The following ZC3H12B variants were observed in gnomAD, a reference collection of about 807,000 sequenced individuals.
ZC3H12B encodes zinc finger CCCH-type containing 12B, also known as probable ribonuclease ZC3H12B.
A neutral mutation model predicts 43.9 loss-of-function variants in ZC3H12B; 7 were observed. That is an observed-to-expected ratio of 0.16 (90% CI 0.09 to 0.30). The LOEUF is 0.30. Ranked by LOEUF, ZC3H12B falls within the 10% of genes least tolerant of loss-of-function variation. The pLI, the probability that ZC3H12B is intolerant of heterozygous loss-of-function variation, is 1.00. For missense variants in ZC3H12B, 475 were observed against 670.2 expected (o/e 0.71, Z 3.22); for synonymous variants, 222 against 241.7 (o/e 0.92, Z 0.76).
chrX:65,054,009 C>A, the ZC3H12B span, among the ~76,000 whole-genome samples: 2 of 97,790 alleles, frequency 2.0e-5, no homozygotes, highest in Non-Finnish European at 4.4e-5. Flanking sequence ...TGAATATTAG[C>A]CCTTTGTCAG....
chrX:65,342,688 C>T, the ZC3H12B span, among the ~76,000 whole-genome samples: 1 of 110,379 alleles, frequency 9.1e-6, no homozygotes, highest in Non-Finnish European at 1.9e-5. Flanking sequence ...GCACTAAATG[C>T]CCACATCCAA....
chrX:65,143,656 G>A, the ZC3H12B span, among the ~76,000 whole-genome samples: 2 of 108,264 alleles, frequency 1.8e-5, no homozygotes, highest in Non-Finnish European at 3.8e-5. Flanking sequence ...TCCACCTCCC[G>A]GGTTCAAGTG....
At chrX:65,480,167 C>T (rs1255682708) in intron 3 of ZC3H12B, among the ~76,000 whole-genome samples, 1 of 112,120 alleles carries the variant, frequency 8.9e-6, no homozygotes, top group Non-Finnish European at 1.9e-5. Flanking sequence ...ACTGTCATTC[C>T]CACTGACATC....
At chrX:65,343,015 C>A in the ZC3H12B span, among the ~76,000 whole-genome samples, 1 of 110,598 alleles carries the variant, frequency 9.0e-6, no homozygotes, top group African/African-American at 3.3e-5. Context: ...ATACAAATAA[C>A]CATCAGAGAA....
chrX:65,257,154 G>A, the ZC3H12B span, among the ~76,000 whole-genome samples: 1 of 112,150 alleles, frequency 8.9e-6, no homozygotes, highest in African/African-American at 3.2e-5. Context: ...ACATGCTCAC[G>A]TATGTTTATT....
the ZC3H12B span, among the ~76,000 whole-genome samples, chrX:65,042,081 C>G: frequency 8.9e-6 from 1 of 112,351 alleles, no homozygotes; most frequent in Non-Finnish European, 1.9e-5. Flanking sequence ...TGCTTCATGC[C>G]TATCACAGTA....
the ZC3H12B span, among the ~76,000 whole-genome samples, chrX:65,102,963 G>T: frequency 9.0e-6 from 1 of 111,594 alleles, no homozygotes; most frequent in African/African-American, 3.3e-5. Context: ...TCACAAGGCA[G>T]ATGGGGGCAG....
At chrX:65,373,331 G>A (rs927615221) in intron 2 of ZC3H12B, among the ~76,000 whole-genome samples, 1 of 111,801 alleles carries the variant, frequency 8.9e-6, no homozygotes, top group Non-Finnish European at 1.9e-5. Flanking sequence ...AAGACAGTGT[G>A]GTGATTCCTC....
chrX:65,237,804 G>A, the ZC3H12B span, among the ~76,000 whole-genome samples: 1 of 111,464 alleles, frequency 9.0e-6, no homozygotes, highest in Non-Finnish European at 1.9e-5. Flanking sequence ...GGCCTTTTCT[G>A]TATCTATTGA....
chrX:65,036,896 C>A, the ZC3H12B span, among the ~76,000 whole-genome samples: 1 of 109,879 alleles, frequency 9.1e-6, no homozygotes, highest in African/African-American at 3.3e-5. Context: ...AGAGCATTTA[C>A]CTAGGGTGTC....
the ZC3H12B span, among the ~76,000 whole-genome samples, chrX:65,299,111 T>C: frequency 8.9e-6 from 1 of 111,988 alleles, no homozygotes; most frequent in South Asian, 3.7e-4. Context: ...CAGGTGACTG[T>C]AAATGAATAG....
At chrX:65,503,048 A>G in exon 5 of ZC3H12B, 1 of 1,211,364 alleles carries the variant, frequency 8.3e-7, no homozygotes, top group Non-Finnish European at 1.1e-6. Context: ...CAATGATTCC[A>G]GGGAGCATAT....
the ZC3H12B span, among the ~76,000 whole-genome samples, chrX:65,211,199 G>T: frequency 9.2e-6 from 1 of 108,714 alleles, no homozygotes; most frequent in African/African-American, 3.4e-5. Context: ...GTAGATTCTG[G>T]ATATTAGCCC....
At chrX:65,182,887 A>T in the ZC3H12B span, among the ~76,000 whole-genome samples, 4 of 112,346 alleles carry the variant, frequency 3.6e-5, no homozygotes, top group African/African-American at 1.3e-4. Flanking sequence ...ATCTCATACC[A>T]GCCAGAATGG....
chrX:65,496,994 GAAGA>G lies in ZC3H12B; in HGVS notation c.609-129_609-126del, dbSNP rs1348518353. The G allele has an allele frequency of 2.0e-5, 10 of 497,012 alleles. No homozygotes were observed. The South Asian group carries it at 3.1e-4, about 16-fold the overall frequency. The allele number at this position is 497,012 out of a possible 1,213,427, so 41.0% of individuals were successfully genotyped here. A position where few individuals can be genotyped will look rare whatever the true frequency, so the allele number is the denominator to read the frequency against. On this transcript the variant is annotated intron_variant, in intron 1 of 4. Transcript: ENST00000338957. Reference sequence around the variant, plus strand: ...AAAAAGAAAAGAAAAGAAGCAAAAGGAAGAAAGAAAGAGAGAAAGAAAGAAAAGA... The same window carrying G: ...AAAAAGAAAAGAAAAGAAGCAAAAGGAAGAAAGAGAGAAAGAAAGAAAAGA...
the ZC3H12B span, among the ~76,000 whole-genome samples, chrX:65,056,666 A>G: frequency 9.0e-6 from 1 of 111,003 alleles, no homozygotes; most frequent in Non-Finnish European, 1.9e-5. Context: ...TGTCTCATTG[A>G]TCTGTCTCAT....
chrX:65,318,550 G>A, the ZC3H12B span, among the ~76,000 whole-genome samples: 19 of 109,579 alleles, frequency 1.7e-4, no homozygotes, highest in Non-Finnish European at 3.6e-4. Context: ...CTCCCAAGTA[G>A]CTAGGATTAC....
chrX:65,484,902 TA>T (rs1296686826), upstream of ZC3H12B, among the ~76,000 whole-genome samples: 1 of 112,180 alleles, frequency 8.9e-6, no homozygotes, highest in African/African-American at 3.2e-5. Flanking sequence ...TTGTATTTCC[TA>T]ATAAAAAGAT....
chrX:65,311,208 C>A, the ZC3H12B span, among the ~76,000 whole-genome samples: 4 of 111,771 alleles, frequency 3.6e-5, no homozygotes, highest in African/African-American at 1.3e-4. Context: ...AGTGAACAGG[C>A]AACCTACAGA....
Sources: allele counts gnomAD v4.1 joint callset (sites outside exome capture counted in the v4.1 genomes callset), GRCh38; gene constraint gnomAD v4.1.1; transcripts MANE v1.5; gene names NCBI Gene and HGNC (gene_info 2026-07-23, HGNC 2026-07-21).